Variants in TINAG observed in about 807,000 individuals in gnomAD.
The protein encoded by TINAG is tubulointerstitial nephritis antigen.
Under a neutral mutation model 72.7 loss-of-function variants are expected in TINAG, and 83 were observed. The observed-to-expected ratio is 1.14, with a 90% CI of 0.96 to 1.37. TINAG has a LOEUF of 1.37. TINAG is among the 40% of genes most tolerant of loss of function. The pLI is 0.00. For synonymous variants in TINAG, 234 were observed against 189.9 expected, an observed-to-expected ratio of 1.23 and a Z score of -1.91; for missense variants, 685 against 576.6, an observed-to-expected ratio of 1.19 and a Z score of -1.93.
At chr6:54,322,759 C>T (rs778260015) in intron 3 of TINAG, among the ~76,000 whole-genome samples, 2 of 152,092 alleles carry the variant, frequency 1.3e-5, no homozygotes, top group Non-Finnish European at 2.9e-5. Flanking sequence ...TTGTGTTAAA[C>T]CAATATTTTA....
chr6:54,346,410 TTGTG>T (rs201126141), intron 5 of TINAG, among the ~76,000 whole-genome samples: 14 of 151,032 alleles, frequency 9.3e-5, no homozygotes, highest in African/African-American at 3.1e-4. Context: ...AATAAAAAGT[TTGTG>T]TGTGTGTGTG....
At chr6:54,377,756 G>A (rs1763823713) in intron 9 of TINAG, among the ~76,000 whole-genome samples, 1 of 151,978 alleles carries the variant, frequency 6.6e-6, no homozygotes, top group African/African-American at 2.4e-5. Context: ...CAACCTGTTG[G>A]TATAATAGCA....
At chr6:54,313,135 A>G (rs1224062310) in intron 1 of TINAG, among the ~76,000 whole-genome samples, 2 of 152,178 alleles carry the variant, frequency 1.3e-5, no homozygotes, top group South Asian at 2.1e-4. Flanking sequence ...GTTTAATAGA[A>G]AATACACGTT....
At chr6:54,375,533 C>A (rs1763754498) in intron 9 of TINAG, among the ~76,000 whole-genome samples, 1 of 152,158 alleles carries the variant, frequency 6.6e-6, no homozygotes, top group African/African-American at 2.4e-5. Context: ...TTGACTCTTT[C>A]TCATCCCTTT....
Position 54,331,035 on chromosome 6 carries a change from G to A in TINAG, c.624+4119G>A, listed in dbSNP as rs545324923. 8.5e-5 allele frequency among the ~76,000 whole-genome samples: 13 copies of A among 152,262 alleles called. No individual in the cohort carries two copies. In the East Asian group the frequency reaches 1.5e-3, roughly 18 times the overall value. ...CCAAATTATTCCAGAGGTACAAAGA[G>A]GAGCTGGTACCATTTCTTCTGCAAC... On this transcript the variant is annotated intron_variant, in intron 4 of 10. Coordinates refer to ENST00000259782, the MANE Select transcript of TINAG (RefSeq NM_014464.4).
At chr6:54,360,841 G>GTTGTTTTTTTTTTTTTTTTTTTTTTTTT (rs1763205555) in intron 9 of TINAG, among the ~76,000 whole-genome samples, 1 of 26,242 alleles carries the variant, frequency 3.8e-5, no homozygotes, top group Non-Finnish European at 8.5e-5. Flanking sequence ...CAGATACTGT[G>GTTGTTTTTTTTTTTTTTTTTTTTTTTTT]TTTTTTTTTT....
At chr6:54,370,155 C>G (rs1351450402) in intron 9 of TINAG, among the ~76,000 whole-genome samples, 1 of 152,084 alleles carries the variant, frequency 6.6e-6, no homozygotes, top group African/African-American at 2.4e-5. Flanking sequence ...ACAGTTGGTT[C>G]TTCTTGCTGA....
intron 9 of TINAG, among the ~76,000 whole-genome samples, chr6:54,368,755 A>G (rs2150973301): frequency 6.6e-6 from 1 of 151,836 alleles, no homozygotes; most frequent in East Asian, 1.9e-4. Context: ...ACAAAACAAA[A>G]ACCTCAGAAC....
At chr6:54,348,921 T>C (rs567503710) in intron 6 of TINAG, among the ~76,000 whole-genome samples, 3 of 152,120 alleles carry the variant, frequency 2.0e-5, no homozygotes, top group African/African-American at 4.8e-5. Flanking sequence ...GAACCAATCC[T>C]TGTGGATACT....
chr6:54,389,645 C>A, intron 10 of TINAG, 146 bp from the exon 11 acceptor site: 1 of 977,340 alleles, frequency 1.0e-6, no homozygotes, highest in Middle Eastern at 2.8e-4. Flanking sequence ...ATAATACAAC[C>A]ATTATTTAAA....
intron 8 of TINAG, 78 bp downstream of exon 8, chr6:54,351,475 G>A: frequency 7.3e-7 from 1 of 1,364,830 alleles, no homozygotes. Flanking sequence ...TGTAATAGGA[G>A]TTTAATAAAA....
chr6:54,366,573 C>T (rs931346400), intron 9 of TINAG, among the ~76,000 whole-genome samples: 1 of 144,252 alleles, frequency 6.9e-6, no homozygotes, highest in African/African-American at 2.5e-5. Flanking sequence ...CTGTCCTCAG[C>T]ATCGAGATAG....
At chr6:54,387,664 T>C (rs1764133780) in intron 10 of TINAG, among the ~76,000 whole-genome samples, 1 of 152,162 alleles carries the variant, frequency 6.6e-6, no homozygotes, top group Non-Finnish European at 1.5e-5. Flanking sequence ...ATAAATTTAC[T>C]AAGTTGTATA....
At chr6:54,343,437 G>T in intron 5 of TINAG, 88 bp downstream of exon 5, 2 of 1,206,620 alleles carry the variant, frequency 1.7e-6, no homozygotes, top group Non-Finnish European at 2.2e-6. Context: ...TTAACAATTA[G>T]AATATTTAAA....
intron 1 of TINAG, 66 bp from the exon 2 acceptor site, chr6:54,320,513 A>C (rs981013836): frequency 1.5e-6 from 2 of 1,297,876 alleles, no homozygotes; most frequent in Middle Eastern, 2.0e-4. Flanking sequence ...TTTTGATTAC[A>C]TTTTATGTTA....
Position 54,339,549 on chromosome 6 carries a change from G to A in TINAG, c.625-3677G>A, listed in dbSNP as rs9296751. Among the ~76,000 whole-genome samples, 1,299 of 152,240 alleles carry A rather than the reference G, an allele frequency of 8.5e-3. 19 individuals carry two copies. Among genetic ancestry groups the A allele is most frequent in the African/African-American group, 0.03 (1,234 of 41,554 alleles). ...ATAGCAGCCTGGGTAGGCGGGTTGA[G>A]GGGGGTGCATGGAGGGGCTGGGAAG... On this transcript the variant is annotated intron_variant, in intron 4 of 10. Coordinates refer to ENST00000259782, the MANE Select transcript of TINAG (RefSeq NM_014464.4).
chr6:54,331,271 G>T (rs1582709845), intron 4 of TINAG, among the ~76,000 whole-genome samples: 1 of 152,134 alleles, frequency 6.6e-6, no homozygotes, highest in Non-Finnish European at 1.5e-5. Flanking sequence ...GACGAAGTCG[G>T]CTTCATCCCT....
At chr6:54,343,431 C>A (rs1017615303) in intron 5 of TINAG, 82 bp downstream of exon 5, 29 of 1,235,596 alleles carry the variant, frequency 2.3e-5, no homozygotes, top group Non-Finnish European at 2.8e-5. Flanking sequence ...ACAATTTTAA[C>A]AATTAGAATA....
chr6:54,347,591 C>A, intron 6 of TINAG, 74 bp downstream of exon 6: 1 of 1,496,872 alleles, frequency 6.7e-7, no homozygotes. Flanking sequence ...GAAAATAATC[C>A]CAAGATTTTT....
Sources: gnomAD v4.1 joint callset for allele counts (sites outside exome capture counted in the v4.1 genomes callset) on GRCh38, gnomAD v4.1.1 for gene constraint, MANE v1.5 for transcripts, NCBI Gene and HGNC (gene_info 2026-07-23, HGNC 2026-07-21) for gene names.